Variants in SNX24 observed in about 807,000 individuals in gnomAD.
The protein encoded by SNX24 is sorting nexin-24.
Under a neutral mutation model 28.7 loss-of-function variants are expected in SNX24, and 22 were observed. The observed-to-expected ratio is 0.77, with a 90% confidence interval of 0.55 to 1.10. The LOEUF (loss-of-function observed/expected upper bound fraction) is 1.10, where lower values mean the gene tolerates loss of function less well. SNX24 is among the 50% of genes least tolerant of loss of function. SNX24 has a pLI of 0.00. For missense variants in SNX24, 221 were observed against 201.1 expected, an observed-to-expected ratio of 1.10 and a Z score of -0.60; for synonymous variants, 69 against 71.5, an observed-to-expected ratio of 0.96 and a Z score of 0.18.
At chr5:122,875,635 G>T (rs985608149) in intron 1 of SNX24, among the ~76,000 whole-genome samples, 1 of 152,242 alleles carries the variant, frequency 6.6e-6, no homozygotes, top group African/African-American at 2.4e-5. Flanking sequence ...CACGTATCAA[G>T]TTGGTGCAAA....
At chr5:122,858,051 G>A (rs926987689) in intron 1 of SNX24, among the ~76,000 whole-genome samples, 22 of 152,186 alleles carry the variant, frequency 1.4e-4, no homozygotes, top group Non-Finnish European at 3.2e-4. Context: ...AAAGTGCTGG[G>A]ATTACAGGAC....
intron 1 of SNX24, among the ~76,000 whole-genome samples, chr5:122,890,755 G>A (rs1350742066): frequency 2.0e-5 from 3 of 152,128 alleles, no homozygotes; most frequent in Non-Finnish European, 2.9e-5. Flanking sequence ...ACAAGTATGA[G>A]CCACCGCACC....
chr5:122,930,351 TTG>T (rs1015977480), intron 1 of SNX24, among the ~76,000 whole-genome samples: 4 of 152,252 alleles, frequency 2.6e-5, no homozygotes, highest in Non-Finnish European at 4.4e-5. Flanking sequence ...TGACTTTTTG[TTG>T]TCTTTATACA....
At chr5:122,909,567 A>G (rs1210069798) in intron 1 of SNX24, among the ~76,000 whole-genome samples, 1 of 151,992 alleles carries the variant, frequency 6.6e-6, no homozygotes, top group African/African-American at 2.4e-5. Context: ...TATACCCGTG[A>G]GGACAGCTGC....
chr5:123,018,401 A>G (rs1454451283), intron 5 of SNX24, among the ~76,000 whole-genome samples: 1 of 152,046 alleles, frequency 6.6e-6, no homozygotes, highest in South Asian at 2.1e-4. Context: ...TCAAATAGAG[A>G]TATCTGGATC....
rs2150176364 is a variant in SNX24 at position 123,001,589 on chromosome 5, T to C, written c.377+152T>C. On this transcript the variant is annotated intron_variant, in intron 5 of 6. Transcript: ENST00000261369. ...AATATTTGATAGGGAATTACAGGAG[T>C]AACCAGTTAGAATTAAGAGTGGAGG... 2.2e-5 allele frequency: 14 copies of C among 647,676 alleles called. No individual in the cohort carries two copies. The South Asian group carries it at 2.8e-4, about 13-fold the overall frequency. The allele number at this position is 647,676 out of a possible 1,614,324, so 40.1% of individuals were successfully genotyped here.
intron 6 of SNX24, among the ~76,000 whole-genome samples, chr5:123,006,405 T>C (rs1762422392): frequency 1.3e-5 from 2 of 152,200 alleles, no homozygotes; most frequent in South Asian, 4.1e-4. Flanking sequence ...AATTCCTCCA[T>C]GGTTCTCCAT....
intron 1 of SNX24, among the ~76,000 whole-genome samples, chr5:122,897,758 G>A (rs1739418054): frequency 6.6e-6 from 1 of 152,102 alleles, no homozygotes. Flanking sequence ...TAGTTTTCCT[G>A]TAACAGAAGA....
At chr5:122,855,036 T>A (rs895305647) in intron 1 of SNX24, among the ~76,000 whole-genome samples, 39 of 152,186 alleles carry the variant, frequency 2.6e-4, no homozygotes, top group African/African-American at 9.4e-4. Context: ...AGGGTGGTGG[T>A]TGCAAAAGGT....
intron 6 of SNX24, chr5:123,002,254 A>C: frequency 2.0e-6 from 1 of 504,804 alleles, no homozygotes; most frequent in Admixed American, 3.6e-5. Context: ...AATGGTATTT[A>C]TGGTCCTTAA....
chr5:122,845,667 G>A lies in SNX24; in HGVS notation c.34G>A (p.Glu12Lys), dbSNP rs1433280350. 1 of 1,430,334 alleles carries A rather than the reference G, an allele frequency of 7.0e-7. No homozygotes were observed. The highest frequency in any genetic ancestry group is 9.2e-7 in the Non-Finnish European group (1 of 1,082,654). 88.6% of individuals were successfully genotyped at this position (1,430,334 alleles called of 1,614,324 possible). ...CTACATCCCGTCCTTTCGCTATGAAGAGAGCGACCTGGAGCGGGGATACAC... is the reference window on the plus strand; with the variant it reads ...CTACATCCCGTCCTTTCGCTATGAAAAGAGCGACCTGGAGCGGGGATACAC... Reference protein sequence around the residue: ...EVYIPSFRYEESDLERGYTVF... With the variant: ...EVYIPSFRYEKSDLERGYTVF... The change falls in exon 1 of 7, where the codon GAG becomes AAG. Residue 12 changes from glutamate (E) to lysine (K), a missense_variant. By Grantham distance (56) the Glu-to-Lys change is moderately conservative (BLOSUM62 1). Coordinates refer to ENST00000261369, the MANE Select transcript of SNX24 (RefSeq NM_014035.4).
chr5:122,916,497 T>C (rs889009750), intron 1 of SNX24, among the ~76,000 whole-genome samples: 2 of 72,978 alleles, frequency 2.7e-5, no homozygotes, highest in African/African-American at 1.3e-4. Context: ...GTTTATAATA[T>C]TTTGTGCTTT....
At chr5:122,930,801 A>G (rs1758920423) in intron 1 of SNX24, among the ~76,000 whole-genome samples, 1 of 152,204 alleles carries the variant, frequency 6.6e-6, no homozygotes, top group Admixed American at 6.5e-5. Context: ...ATACACACAC[A>G]CATACATTTA....
At position 122,960,873 on chromosome 5, in the gene SNX24, A is replaced by G. The variant is rs181112168; in HGVS notation, c.249+14714A>G. On this transcript the variant is annotated intron_variant, in intron 3 of 6. Transcript: ENST00000261369. ...AGGATTTTGAGTCATGAAAACTACA[A>G]TGGTTAAGTTTAGAACAGTATCTAA... is the stretch of plus-strand genomic sequence containing the variant. 2.1e-3 allele frequency among the ~76,000 whole-genome samples: 314 copies of G among 152,242 alleles called. 10 individuals carry two copies. The highest frequency in any genetic ancestry group is 0.02 in the Admixed American group (313 of 15,300).
At chr5:122,996,439 T>A (rs1340123219) in intron 3 of SNX24, among the ~76,000 whole-genome samples, 2 of 152,216 alleles carry the variant, frequency 1.3e-5, no homozygotes, top group African/African-American at 4.8e-5. Context: ...GATGTATGTA[T>A]GTTTTCCAGC....
chr5:123,021,942 A>G (rs569775385), intron 5 of SNX24, among the ~76,000 whole-genome samples: 1 of 152,044 alleles, frequency 6.6e-6, no homozygotes, highest in East Asian at 1.9e-4. Flanking sequence ...CCTTAGCACA[A>G]ATGCCATCCC....
At chr5:122,921,020 C>T (rs1758409043) in intron 1 of SNX24, among the ~76,000 whole-genome samples, 1 of 152,046 alleles carries the variant, frequency 6.6e-6, no homozygotes, top group African/African-American at 2.4e-5. Context: ...GCCACCATGC[C>T]CAGCCAATAT....
Position 123,029,156 on chromosome 5 carries a change from A to C in SNX24, n.384-82A>C. On this transcript the variant is annotated intron_variant and non_coding_transcript_variant, in intron 5 of 5. Transcript: ENST00000502387. Reference sequence around the variant, plus strand: ...AGAAGCCTAAGGGCACTGAGTGCCCAAATAATACATATTTAATTGGAAAAT... The same window carrying C: ...AGAAGCCTAAGGGCACTGAGTGCCCCAATAATACATATTTAATTGGAAAAT... 6.2e-6 allele frequency: 9 copies of C among 1,462,898 alleles called. No individual in the cohort carries two copies. In the South Asian group the frequency reaches 1.0e-4, roughly 17 times the overall value. 90.6% of individuals were successfully genotyped at this position (1,462,898 alleles called of 1,614,324 possible).
At chr5:122,941,821 C>A (rs1759461175) in intron 2 of SNX24, among the ~76,000 whole-genome samples, 1 of 152,160 alleles carries the variant, frequency 6.6e-6, no homozygotes, top group South Asian at 2.1e-4. Flanking sequence ...TCTCTGTTAA[C>A]CCCAGGTTCT....
Sources: gnomAD v4.1 joint callset for allele counts (sites outside exome capture counted in the v4.1 genomes callset) on GRCh38, gnomAD v4.1.1 for gene constraint, MANE v1.5 for transcripts, NCBI Gene and HGNC (gene_info 2026-07-23, HGNC 2026-07-21) for gene names.